Variants in LRFN5 observed in about 807,000 individuals in gnomAD.
LRFN5 encodes the protein leucine-rich repeat and fibronectin type-III domain-containing protein 5.
Under a neutral mutation model 45.6 loss-of-function variants are expected in LRFN5, and 24 were observed. The ratio of observed to expected loss-of-function variants is 0.53; its 90% CI spans 0.38 to 0.74. LRFN5 has a LOEUF of 0.74. Ranked by LOEUF, LRFN5 falls within the 30% of genes least tolerant of loss-of-function variation. The pLI is 0.00. For missense variants in LRFN5, 776 were observed against 861.5 expected (o/e 0.90, Z 1.24); for synonymous variants, 340 against 313.8 (o/e 1.08, Z -0.88).
rs563856532 is a variant in LRFN5, at chr14:41,673,577, C to G, written c.-197+65015C>G. On this transcript the variant is annotated intron_variant, in intron 1 of 5. Coordinates refer to ENST00000298119, the MANE Select transcript of LRFN5 (RefSeq NM_152447.5). ...GGCGGCTGGCCGGGCAGGGGGTGAC[C>G]CCCCCCACCTCACTCCCGGATGGGG... Among the ~76,000 whole-genome samples the G allele has an allele frequency of 8.1e-3, 1,162 of 143,650 alleles. 31 individuals are homozygous for G. Among genetic ancestry groups the G allele is most frequent in the Admixed American group, 0.051 (746 of 14,556 alleles). 94.2% of individuals were successfully genotyped at this position (143,650 alleles called of 152,430 possible).
chr14:41,675,089 G>A (rs1395394920), intron 1 of LRFN5, among the ~76,000 whole-genome samples: 1 of 151,978 alleles, frequency 6.6e-6, no homozygotes, highest in African/African-American at 2.4e-5. Flanking sequence ...TGGGATGGCG[G>A]CGGGGCAGAG....
intron 2 of LRFN5, among the ~76,000 whole-genome samples, chr14:41,873,618 C>T (rs866921729): frequency 5.9e-5 from 9 of 152,026 alleles, no homozygotes; most frequent in African/African-American, 2.2e-4. Flanking sequence ...CCTTTCTTCT[C>T]CCATTTTTCA....
chr14:41,638,269 C>T (rs1879397119), intron 1 of LRFN5, among the ~76,000 whole-genome samples: 1 of 151,852 alleles, frequency 6.6e-6, no homozygotes, highest in African/African-American at 2.4e-5. Context: ...CTTGTTCCTC[C>T]TAATTAAAAT....
chr14:41,619,760 T>C (rs1322505903), intron 1 of LRFN5, among the ~76,000 whole-genome samples: 1 of 152,022 alleles, frequency 6.6e-6, no homozygotes, highest in African/African-American at 2.4e-5. Flanking sequence ...ATATACTATG[T>C]GTATTATATA....
chr14:41,861,707 T>G (rs1459292737), intron 2 of LRFN5, among the ~76,000 whole-genome samples: 5 of 152,174 alleles, frequency 3.3e-5, no homozygotes, highest in African/African-American at 9.6e-5. Context: ...GTGAGATACG[T>G]TAATTTTAAA....
rs116836534 is a variant in LRFN5 at position 41,837,225 on chromosome 14, G to T, written c.-20-49381G>T. 9.6e-4 allele frequency among the ~76,000 whole-genome samples: 135 copies of T among 140,082 alleles called. 1 individual carries two copies. Among genetic ancestry groups the T allele is most frequent in the African/African-American group, 3.4e-3 (131 of 38,092 alleles). 91.9% of individuals were successfully genotyped at this position (140,082 alleles called of 152,430 possible). On this transcript the variant is annotated intron_variant, in intron 2 of 5. Transcript: ENST00000298119. The stretch of plus-strand genomic sequence containing the variant: ...AAAAAAAAAAAAAAAAAAAGCTAGC[G>T]TTTGAATAAATCTCAGTTAAATCAA...
intron 1 of LRFN5, among the ~76,000 whole-genome samples, chr14:41,651,185 C>A (rs2138619797): frequency 6.6e-6 from 1 of 152,196 alleles, no homozygotes; most frequent in Non-Finnish European, 1.5e-5. Context: ...TATTTGCTAT[C>A]ACAGCACTCT....
intron 1 of LRFN5, among the ~76,000 whole-genome samples, chr14:41,760,210 C>T (rs1042960045): frequency 1.1e-4 from 16 of 152,066 alleles, no homozygotes; most frequent in African/African-American, 3.9e-4. Context: ...CACGTATAGC[C>T]ACAAATAATT....
intron 2 of LRFN5, among the ~76,000 whole-genome samples, chr14:41,829,578 CT>C (rs1034667088): frequency 2.6e-5 from 4 of 151,302 alleles, no homozygotes; most frequent in African/African-American, 9.7e-5. Context: ...TGATTTTTAT[CT>C]TTTTTTTCTG....
chr14:41,651,384 G>T (rs1880117912), intron 1 of LRFN5, among the ~76,000 whole-genome samples: 1 of 152,060 alleles, frequency 6.6e-6, no homozygotes, highest in South Asian at 2.1e-4. Context: ...CTTTTGAGAT[G>T]GTCCCTGAGA....
At chr14:41,713,345 G>A (rs1360459487) in intron 1 of LRFN5, among the ~76,000 whole-genome samples, 1 of 151,990 alleles carries the variant, frequency 6.6e-6, no homozygotes, top group Admixed American at 6.6e-5. Flanking sequence ...TGCAAACCAT[G>A]GAAAGCAGTA....
intron 1 of LRFN5, among the ~76,000 whole-genome samples, chr14:41,724,430 G>A (rs17781343): frequency 0.57 from 86,807 of 151,890 alleles, 25,612 homozygotes; most frequent in African/African-American, 0.7. Flanking sequence ...AAACACATTA[G>A]GATATTTATA....
intron 2 of LRFN5, among the ~76,000 whole-genome samples, chr14:41,871,264 T>C (rs911661465): frequency 6.6e-6 from 1 of 152,084 alleles, no homozygotes; most frequent in Non-Finnish European, 1.5e-5. Context: ...ATTATTATTT[T>C]GTGTAATAAC....
intron 1 of LRFN5, among the ~76,000 whole-genome samples, chr14:41,755,306 T>A (rs1344820507): frequency 6.6e-6 from 1 of 152,184 alleles, no homozygotes; most frequent in Non-Finnish European, 1.5e-5. Context: ...CTGAGTTAAG[T>A]TCCTGGATAT....
intron 1 of LRFN5, among the ~76,000 whole-genome samples, chr14:41,726,702 T>C (rs1883951113): frequency 6.6e-6 from 1 of 152,154 alleles, no homozygotes; most frequent in African/African-American, 2.4e-5. Flanking sequence ...CTGTTACAGG[T>C]GGTTCAAAAG....
chr14:41,681,201 CA>C (rs1881867433), intron 1 of LRFN5, among the ~76,000 whole-genome samples: 1 of 152,052 alleles, frequency 6.6e-6, no homozygotes, highest in South Asian at 2.1e-4. Flanking sequence ...AAAGTTTATT[CA>C]AAGGGATAAA....
chr14:41,715,407 A>T (rs889101785), intron 1 of LRFN5, among the ~76,000 whole-genome samples: 1 of 152,216 alleles, frequency 6.6e-6, no homozygotes, highest in African/African-American at 2.4e-5. Flanking sequence ...CTATGGTTCC[A>T]TATGAAAGGT....
chr14:41,801,449 A>T (rs1484384513), intron 2 of LRFN5, among the ~76,000 whole-genome samples: 2 of 152,188 alleles, frequency 1.3e-5, no homozygotes, highest in African/African-American at 2.4e-5. Flanking sequence ...ACCTACAAGG[A>T]AACAAACTGC....
At chr14:41,872,492 C>T (rs185902958) in intron 2 of LRFN5, among the ~76,000 whole-genome samples, 9 of 152,228 alleles carry the variant, frequency 5.9e-5, no homozygotes, top group African/African-American at 2.2e-4. Context: ...GTAGTTTAAA[C>T]ATGTTAGAGA....
Sources: gnomAD v4.1 joint callset for allele counts (sites outside exome capture counted in the v4.1 genomes callset) on GRCh38, gnomAD v4.1.1 for gene constraint, MANE v1.5 for transcripts, NCBI Gene and HGNC (gene_info 2026-07-23, HGNC 2026-07-21) for gene names.